APOH: variants seen among roughly 807,000 people sequenced by gnomAD.
The protein encoded by APOH is beta-2-glycoprotein 1.
APOH carries 48 observed loss-of-function variants against 39.8 expected under a neutral mutation model. The ratio of observed to expected loss-of-function variants is 1.21; its 90% CI spans 0.96 to 1.54. The LOEUF (loss-of-function observed/expected upper bound fraction) is 1.54, where lower values mean the gene tolerates loss of function less well. Ranked by LOEUF, APOH falls within the 40% of genes most tolerant of loss-of-function variation. The pLI is 0.00. For synonymous variants in APOH, 153 were observed against 151.1 expected (o/e 1.01, Z -0.09); for missense variants, 415 against 421.2 (o/e 0.99, Z 0.13).
rs769462036 is a variant in APOH at position 66,228,074 on chromosome 17, T to C, written c.187A>G (p.Lys63Glu). The change falls in exon 2 of 8, where the codon AAG becomes GAG. Residue 63 changes from lysine (K) to glutamate (E), a missense_variant. By Grantham distance (56) the Lys-to-Glu change is moderately conservative. Transcript: ENST00000205948. ...AGTCCTGTGAGAGGGCAGATAAACTTTCTCATCCCTCCTCGGGACACATAG... is the reference window on the plus strand; with the variant it reads ...AGTCCTGTGAGAGGGCAGATAAACTCTCTCATCCCTCCTCGGGACACATAG... ...PGYVSRGGMR[K>E]FICPLTGLWP... is the part of the protein sequence containing the mutation. 13 of 1,614,168 alleles carry C rather than the reference T, an allele frequency of 8.1e-6. No homozygotes were observed. The highest frequency in any genetic ancestry group is 1.1e-5 in the Non-Finnish European group (13 of 1,180,028).
Position 66,220,752 on chromosome 17 carries a change from T to C in APOH, c.416-10A>G, listed in dbSNP as rs79228460. The C allele has an allele frequency of 5.6e-6, 9 of 1,594,698 alleles. No individual in the cohort carries two copies. In the South Asian group the frequency reaches 6.7e-5, roughly 12 times the overall value. ...GGAGGGCAGATGATGGCTGGGAAAA[T>C]AAAGAACTATCATTTCTATGAAAAT... is the stretch of plus-strand genomic sequence containing the variant. On this transcript the variant is annotated splice_polypyrimidine_tract_variant and intron_variant, in intron 4 of 7. Transcript: ENST00000205948.
In APOH at chr17:66,216,737, T is replaced by A. The variant is rs754027264; in HGVS notation, c.784+51A>T. ...ACAAGAAAATAGCAAGTAAAGGTGA[T>A]CCACTGTATCAATTCAGAGATCTTA... is the stretch of plus-strand genomic sequence containing the variant. On this transcript the variant is annotated intron_variant, in intron 6 of 7. Coordinates refer to ENST00000205948, the MANE Select transcript of APOH (RefSeq NM_000042.3). 3.4e-6 allele frequency: 5 copies of A among 1,467,006 alleles called. No individual in the cohort carries two copies. In the African/African-American group the frequency reaches 5.7e-5, roughly 17 times the overall value. The allele number at this position is 1,467,006 out of a possible 1,614,324, so 90.9% of individuals were successfully genotyped here. A position where few individuals can be genotyped will look rare whatever the true frequency, so the allele number is the denominator to read the frequency against.
intron 2 of APOH, among the ~76,000 whole-genome samples, chr17:66,227,076 G>A (rs1379342236): frequency 6.6e-6 from 1 of 151,952 alleles, no homozygotes; most frequent in Non-Finnish European, 1.5e-5. Context: ...TAGAGACGAG[G>A]TTTCACCATG....
intron 6 of APOH, among the ~76,000 whole-genome samples, chr17:66,214,923 G>GAAAAAAAAAAA (rs11322858): frequency 7.5e-6 from 1 of 133,194 alleles, no homozygotes; most frequent in Non-Finnish European, 1.6e-5. Context: ...CCATTTCAGT[G>GAAAAAAAAAAA]AAAAAAAAAA....
intron 5 of APOH, among the ~76,000 whole-genome samples, chr17:66,218,307 C>T (rs2073377417): frequency 6.7e-6 from 1 of 149,798 alleles, no homozygotes; most frequent in African/African-American, 2.4e-5. Flanking sequence ...CCTGATATGA[C>T]AGAATGTATT....
rs111326549 is a variant in APOH at position 66,228,018 on chromosome 17, A to G, written c.241+2T>C. The G allele has an allele frequency of 2.8e-5, 45 of 1,612,412 alleles. No individual in the cohort carries two copies. In the South Asian group the frequency reaches 4.4e-4, roughly 16 times the overall value. On this transcript the variant is annotated splice_donor_variant, in intron 2 of 7. Transcript: ENST00000205948. LOFTEE classifies it high-confidence loss of function. ...AGAATGTGAGAGAAGGTACTGACTT[A>G]CGTGTACATTTCAGAGTGTTGATGG...
chr17:66,224,643 G>A (rs553968103), intron 3 of APOH, among the ~76,000 whole-genome samples: 2 of 20,592 alleles, frequency 9.7e-5, no homozygotes, highest in South Asian at 2.5e-3. Context: ...GAAGAGAAGG[G>A]AAGGGAAGGG....
intron 5 of APOH, among the ~76,000 whole-genome samples, chr17:66,219,803 C>T (rs1017800953): frequency 3.3e-5 from 5 of 151,992 alleles, no homozygotes; most frequent in African/African-American, 4.8e-5. Context: ...CCTGTAATCC[C>T]GGCTACTTGG....
chr17:66,218,104 C>T (rs1172517646), intron 5 of APOH, among the ~76,000 whole-genome samples: 11 of 152,142 alleles, frequency 7.2e-5, no homozygotes, highest in Non-Finnish European at 1.5e-5. Flanking sequence ...TTGACAGATT[C>T]AAGGATCATC....
intron 3 of APOH, among the ~76,000 whole-genome samples, chr17:66,224,661 G>A (rs570689490): frequency 7.1e-4 from 20 of 28,088 alleles, no homozygotes; most frequent in African/African-American, 3.8e-3. Context: ...GGGAAGGGAA[G>A]GGAAGGGAAG....
chr17:66,215,353 C>G lies in APOH; in HGVS notation c.785-703G>C, dbSNP rs1435233011. Among the ~76,000 whole-genome samples, 5 of 152,318 alleles carry G rather than the reference C, an allele frequency of 3.3e-5. No homozygotes were observed. In the East Asian group the frequency reaches 9.6e-4, roughly 29 times the overall value. ...ATAAATGCAAATTGTCAGGCCCCAT[C>G]CCAGATCTACCAAATCAGAAACTCT... On this transcript the variant is annotated intron_variant, in intron 6 of 7. Transcript: ENST00000205948.
intron 3 of APOH, among the ~76,000 whole-genome samples, chr17:66,224,668 GAAGGGAAGGGAAGGGAAGGGAAGGGA>G (rs2073425580): frequency 4.9e-5 from 2 of 41,212 alleles, no homozygotes; most frequent in African/African-American, 2.5e-4. Context: ...GAAGGGAAGG[GAAGGGAAGGGAAGGGAAGGGAAGGGA>G]AAGGAAAGGA....
In APOH at chr17:66,214,596, ACT is replaced by A; in HGVS notation, c.837_838del (p.Arg279SerfsTer8). 2 of 1,613,696 alleles carry A rather than the reference ACT, an allele frequency of 1.2e-6. No homozygotes were observed. Among genetic ancestry groups the A allele is most frequent in the Non-Finnish European group, 1.7e-6 (2 of 1,179,878 alleles). Reference sequence around the variant, plus strand: ...ATTCTTAAATTTTTCCTGAATCTTTACTCTCTCTCCTTGGTACACCACAGTGG... The same window carrying A: ...ATTCTTAAATTTTTCCTGAATCTTTACTCTCTCCTTGGTACACCACAGTGG... On this transcript the variant is annotated frameshift_variant, in exon 7 of 8. Transcript: ENST00000205948. LOFTEE classifies it high-confidence loss of function.
intron 4 of APOH, 95 bp from the exon 5 acceptor site, chr17:66,220,837 T>G: frequency 8.0e-7 from 1 of 1,248,392 alleles, no homozygotes; most frequent in Non-Finnish European, 1.1e-6. Flanking sequence ...AGGATAAACT[T>G]GAGAAAATGC....
intron 4 of APOH, among the ~76,000 whole-genome samples, chr17:66,221,908 C>T (rs1029518989): frequency 1.1e-4 from 16 of 152,282 alleles, no homozygotes; most frequent in Non-Finnish European, 8.8e-5. Context: ...GCTAGCAGCA[C>T]GGGCATAGCC....
In APOH at chr17:66,216,846, G is replaced by T; in HGVS notation, c.726C>A (p.Gly242=). 6.2e-7 allele frequency: 1 copy of T among 1,611,934 alleles called. No individual in the cohort carries two copies. Among genetic ancestry groups the T allele is most frequent in the Admixed American group, 1.7e-5 (1 of 59,674 alleles). Residue 242 remains glycine (G), a synonymous_variant, in exon 6 of 8, where the codon GGC becomes GGA. Transcript: ENST00000205948. ...GTTTGGTACATTCTATTTCTTCCGG[G>T]CCATCCAGAGAATATCCATCATGGC... The part of the protein sequence containing the change: ...FGCHDGYSLD[G]PEEIECTKLG...
At chr17:66,215,752 C>T (rs1173518655) in intron 6 of APOH, among the ~76,000 whole-genome samples, 1 of 152,140 alleles carries the variant, frequency 6.6e-6, no homozygotes, top group Non-Finnish European at 1.5e-5. Flanking sequence ...AGGAAAGATG[C>T]CAGTTGGTGA....
At chr17:66,225,064 GAAA>G (rs35660567) in intron 3 of APOH, among the ~76,000 whole-genome samples, 2 of 143,736 alleles carry the variant, frequency 1.4e-5, no homozygotes. Context: ...AAAAAGAAAG[GAAA>G]AAAAAAAAAA....
chr17:66,228,007 G>C lies in APOH; in HGVS notation c.241+13C>G. Reference sequence around the variant, plus strand: ...AATGAGGGAAGAGAATGTGAGAGAAGGTACTGACTTACGTGTACATTTCAG... The same window carrying C: ...AATGAGGGAAGAGAATGTGAGAGAACGTACTGACTTACGTGTACATTTCAG... On this transcript the variant is annotated intron_variant, in intron 2 of 7. Transcript: ENST00000205948. 6.2e-7 allele frequency: 1 copy of C among 1,604,588 alleles called. No homozygotes were observed. Among genetic ancestry groups the C allele is most frequent in the Non-Finnish European group, 8.5e-7 (1 of 1,174,552 alleles).
Sources: allele counts gnomAD v4.1 joint callset (sites outside exome capture counted in the v4.1 genomes callset), GRCh38; gene constraint gnomAD v4.1.1; transcripts MANE v1.5; gene names NCBI Gene and HGNC (gene_info 2026-07-23, HGNC 2026-07-21).